Variants in EYS observed in about 807,000 individuals in gnomAD.
EYS encodes EGF-like photoreceptor maintenance factor.
Under a neutral mutation model 282.1 loss-of-function variants are expected in EYS, and 250 were observed. The ratio of observed to expected loss-of-function variants is 0.89; its 90% CI spans 0.80 to 0.98. The LOEUF is 0.98. Among genes scored for constraint, EYS ranks in the 50% least tolerant of loss-of-function variants. The pLI, the probability that EYS is intolerant of heterozygous loss-of-function variation, is 0.00. For missense variants in EYS, 4,016 were observed against 3,709.0 expected (o/e 1.08, Z -2.15); for synonymous variants, 1,355 against 1,282.9 (o/e 1.06, Z -1.20).
intron 22 of EYS, among the ~76,000 whole-genome samples, chr6:64,797,651 G>A (rs1192233491): frequency 6.6e-6 from 1 of 151,734 alleles, no homozygotes; most frequent in Non-Finnish European, 1.5e-5. Flanking sequence ...ATAAAAATTT[G>A]GTTTTTTAAA....
chr6:65,596,523 T>C lies in EYS; in HGVS notation c.-333+43255A>G, dbSNP rs1435445153. 2.0e-5 allele frequency among the ~76,000 whole-genome samples: 3 copies of C among 152,052 alleles called. No individual in the cohort carries two copies. In the East Asian group the frequency reaches 5.8e-4, roughly 29 times the overall value. On this transcript the variant is annotated intron_variant, in intron 2 of 42. Transcript: ENST00000503581. ...GTGCAGATAACAAAAATGTGACCAA[T>C]ATGAATCCTGAAATGAAAGACAGGA...
chr6:65,491,258 A>C (rs1766031211), intron 4 of EYS: 2 of 169,596 alleles, frequency 1.2e-5, no homozygotes, highest in Non-Finnish European at 2.4e-5. Context: ...TGGTCCCACT[A>C]TATCAGTTAT....
chr6:64,457,686 G>A (rs534915177), intron 26 of EYS, among the ~76,000 whole-genome samples: 27 of 151,780 alleles, frequency 1.8e-4, no homozygotes, highest in Non-Finnish European at 2.8e-4. Flanking sequence ...CTTTCTTTTG[G>A]TTTCCATTTT....
At chr6:65,371,527 A>C (rs1765138389) in intron 8 of EYS, among the ~76,000 whole-genome samples, 1 of 151,972 alleles carries the variant, frequency 6.6e-6, no homozygotes, top group Non-Finnish European at 1.5e-5. Context: ...AATGCTCACA[A>C]AAAAGGCCTC....
At chr6:65,087,154 T>C (rs1208209612) in intron 12 of EYS, among the ~76,000 whole-genome samples, 1 of 152,088 alleles carries the variant, frequency 6.6e-6, no homozygotes, top group Non-Finnish European at 1.5e-5. Flanking sequence ...TAACATAATA[T>C]CCAGGTTAGG....
At chr6:65,623,890 C>T (rs1208596267) in intron 2 of EYS, among the ~76,000 whole-genome samples, 1 of 152,138 alleles carries the variant, frequency 6.6e-6, no homozygotes, top group East Asian at 1.9e-4. Flanking sequence ...CTTTCTTGAA[C>T]ATAGGCTCAT....
At chr6:65,283,498 A>AT (rs568908503) in intron 12 of EYS, among the ~76,000 whole-genome samples, 3 of 151,306 alleles carry the variant, frequency 2.0e-5, no homozygotes, top group East Asian at 3.9e-4. Context: ...TATTTTTTCT[A>AT]TTTTTTTTAC....
intron 36 of EYS, among the ~76,000 whole-genome samples, chr6:63,826,848 A>C (rs1412514467): frequency 1.2e-4 from 5 of 41,008 alleles, no homozygotes; most frequent in Non-Finnish European, 2.1e-4. Context: ...TAAAAAGCAA[A>C]AAAAAAAAAA....
intron 35 of EYS, among the ~76,000 whole-genome samples, chr6:63,978,639 G>A (rs754048400): frequency 2.2e-4 from 34 of 151,876 alleles, no homozygotes; most frequent in Non-Finnish European, 4.1e-4. Context: ...GATTCCTAGC[G>A]ACATGACATT....
At chr6:63,964,227 G>A (rs1766202938) in intron 35 of EYS, among the ~76,000 whole-genome samples, 1 of 152,130 alleles carries the variant, frequency 6.6e-6, no homozygotes, top group Non-Finnish European at 1.5e-5. Context: ...AGAACAACAA[G>A]GAAGAGTATT....
chr6:65,273,271 A>C (rs1305422637), intron 12 of EYS, among the ~76,000 whole-genome samples: 1 of 152,226 alleles, frequency 6.6e-6, no homozygotes, highest in African/African-American at 2.4e-5. Context: ...GTGAAACTAC[A>C]GATAAGTGGG....
At chr6:64,696,134 T>A (rs1441007792) in intron 22 of EYS, among the ~76,000 whole-genome samples, 2 of 152,042 alleles carry the variant, frequency 1.3e-5, no homozygotes, top group African/African-American at 4.8e-5. Flanking sequence ...AGGATATGAA[T>A]GAGAAATGTA....
In EYS at chr6:64,499,981, C is replaced by A. The variant is rs1018295534; in HGVS notation, c.5645-60629G>T. ...TGATGGGGACATTACTACAAGTAGA[C>A]AAGTAACACTCTGTTTTTGATAAAG... On this transcript the variant is annotated intron_variant, in intron 26 of 42. Coordinates refer to ENST00000503581, the MANE Select transcript of EYS (RefSeq NM_001142800.2). Among the ~76,000 whole-genome samples the A allele has an allele frequency of 4.0e-5, 6 of 151,790 alleles. No homozygotes were observed. The East Asian group carries it at 1.2e-3, about 29-fold the overall frequency.
intron 22 of EYS, among the ~76,000 whole-genome samples, chr6:64,681,577 G>A (rs917683187): frequency 1.7e-4 from 26 of 152,260 alleles, no homozygotes; most frequent in Non-Finnish European, 2.8e-4. Flanking sequence ...TGATGGTTCC[G>A]CAATGATCAC....
At chr6:64,923,864 G>A (rs1768429936) in intron 15 of EYS, among the ~76,000 whole-genome samples, 2 of 151,864 alleles carry the variant, frequency 1.3e-5, no homozygotes, top group South Asian at 4.2e-4. Context: ...CTGTGGCTTT[G>A]CAGGGTACAG....
chr6:63,945,404 G>C (rs1414403118), intron 35 of EYS, among the ~76,000 whole-genome samples: 1 of 152,000 alleles, frequency 6.6e-6, no homozygotes, highest in African/African-American at 2.4e-5. Context: ...GAGATTATGG[G>C]AACTACCATT....
rs539387020 is a variant in EYS, at chr6:65,333,388, CA to C, written c.1766+1591del. On this transcript the variant is annotated intron_variant, in intron 11 of 42. Transcript: ENST00000503581. Reference sequence around the variant, plus strand: ...ATGTTTAATCTCATTCAATTTTGGTCAGATAATGTCCTTTTTATTATTTCAA... The same window carrying C: ...ATGTTTAATCTCATTCAATTTTGGTCGATAATGTCCTTTTTATTATTTCAA... 2.5e-3 allele frequency among the ~76,000 whole-genome samples: 385 copies of C among 151,752 alleles called. 11 individuals carry two copies. Among genetic ancestry groups the C allele is most frequent in the Admixed American group, 0.022 (339 of 15,194 alleles).
At chr6:65,509,714 C>A (rs1467630504) in intron 2 of EYS, among the ~76,000 whole-genome samples, 1 of 152,068 alleles carries the variant, frequency 6.6e-6, no homozygotes, top group Middle Eastern at 3.2e-3. Context: ...TGATAATGTC[C>A]AATTAATAAT....
At chr6:65,662,544 T>C (rs1562315576) in intron 1 of EYS, among the ~76,000 whole-genome samples, 1 of 152,210 alleles carries the variant, frequency 6.6e-6, no homozygotes, top group Non-Finnish European at 1.5e-5. Flanking sequence ...TTTGCTTTAT[T>C]TTAATCTACC....
Sources: gnomAD v4.1 joint callset for allele counts (sites outside exome capture counted in the v4.1 genomes callset) on GRCh38, gnomAD v4.1.1 for gene constraint, MANE v1.5 for transcripts, NCBI Gene and HGNC (gene_info 2026-07-23, HGNC 2026-07-21) for gene names.